PCDHGB3: variants seen among roughly 807,000 people sequenced by gnomAD.
PCDHGB3 encodes protocadherin gamma-B3.
In PCDHGB3, 40 loss-of-function variants were observed where a neutral mutation model predicts 59.2. That is an observed-to-expected ratio of 0.68 (90% CI 0.52 to 0.88). The LOEUF (loss-of-function observed/expected upper bound fraction) is 0.88. Among genes scored for constraint, PCDHGB3 ranks in the 40% least tolerant of loss-of-function variants. The pLI is 0.00. For synonymous variants in PCDHGB3, 581 were observed against 503.6 expected, an observed-to-expected ratio of 1.15 and a Z score of -2.06; for missense variants, 1,309 against 1,187.9, an observed-to-expected ratio of 1.10 and a Z score of -1.50.
chr5:141,410,174 G>A (rs1369332920), intron 1 of PCDHGB3: 4 of 1,613,588 alleles, frequency 2.5e-6, no homozygotes, highest in East Asian at 2.2e-5. Flanking sequence ...CTCTGCCACC[G>A]CCACGCTTCA....
intron 1 of PCDHGB3, chr5:141,382,716 C>G (rs11575956): frequency 0.036 from 17,699 of 487,890 alleles, 411 homozygotes; most frequent in Middle Eastern, 0.065. Flanking sequence ...CAGAAACCAC[C>G]GAGTTTTACA....
chr5:141,431,968 T>G lies in PCDHGB3; in HGVS notation c.2415+59159T>G, dbSNP rs571981127. 6.2e-7 allele frequency: 1 copy of G among 1,614,190 alleles called. No individual in the cohort carries two copies. Among genetic ancestry groups the G allele is most frequent in the Admixed American group, 1.7e-5 (1 of 60,024 alleles). On this transcript the variant is annotated intron_variant, in intron 1 of 3. Coordinates refer to ENST00000576222, the MANE Select transcript of PCDHGB3 (RefSeq NM_018924.5). The surrounding 1 kb of genome is among the most constrained non-coding windows in gnomAD (Gnocchi z 4.8). ...AAAAATCTTACGGAAATTACTATAGTTTAGTCACAGACATAGTCTTGGATA... is the reference window on the plus strand; with the variant it reads ...AAAAATCTTACGGAAATTACTATAGGTTAGTCACAGACATAGTCTTGGATA...
In PCDHGB3 at chr5:141,489,633, T is replaced by C. The variant is rs1298084961; in HGVS notation, c.2416-5174T>C. On this transcript the variant is annotated intron_variant, in intron 1 of 3. Coordinates refer to ENST00000576222, the MANE Select transcript of PCDHGB3 (RefSeq NM_018924.5). The surrounding 1 kb of genome is among the most constrained non-coding windows in gnomAD (Gnocchi z 4.5). ...TCCTGGATCTCAATGACAACTCTCC[T>C]AGCTTTGCCACCCCTGAGCGAGAGA... The C allele has an allele frequency of 6.2e-7, 1 of 1,614,160 alleles. No individual in the cohort carries two copies. Among genetic ancestry groups the C allele is most frequent in the South Asian group, 1.1e-5 (1 of 91,086 alleles).
chr5:141,490,042 G>C lies in PCDHGB3; in HGVS notation c.2416-4765G>C. 1 of 1,614,266 alleles carries C rather than the reference G, an allele frequency of 6.2e-7. No individual in the cohort carries two copies. Among genetic ancestry groups the C allele is most frequent in the Non-Finnish European group, 8.5e-7 (1 of 1,180,038 alleles). The stretch of plus-strand genomic sequence containing the variant: ...TCTGCTGCTCCGCCTCAATGCCACT[G>C]ATCCAGACGAGGGCACCAACGGCCA... On this transcript the variant is annotated intron_variant, in intron 1 of 3. Coordinates refer to ENST00000576222, the MANE Select transcript of PCDHGB3 (RefSeq NM_018924.5). This position sits in a 1 kb window ranked among gnomAD's most constrained non-coding sequence, Gnocchi z 5.4.
At chr5:141,503,384 C>G (rs898225633) in intron 2 of PCDHGB3, among the ~76,000 whole-genome samples, 1 of 151,906 alleles carries the variant, frequency 6.6e-6, no homozygotes, top group Non-Finnish European at 1.5e-5. Flanking sequence ...ATCATGAGGT[C>G]AGGAGTTCGA....
chr5:141,422,272 A>T, intron 1 of PCDHGB3: 13 of 1,561,362 alleles, frequency 8.3e-6, no homozygotes, highest in Non-Finnish European at 1.1e-5. Context: ...TCCAGAAATA[A>T]CTATCACCTC....
At chr5:141,427,499 T>C in intron 1 of PCDHGB3, 2 of 571,516 alleles carry the variant, frequency 3.5e-6, no homozygotes, top group Non-Finnish European at 3.3e-6. Flanking sequence ...TTGTAACAGA[T>C]GGGACCCTGG....
intron 1 of PCDHGB3, 82 bp from the exon 2 acceptor site, chr5:141,494,725 C>T: frequency 6.2e-7 from 1 of 1,610,026 alleles, no homozygotes; most frequent in Middle Eastern, 1.7e-4. Context: ...CCCTCCTTCT[C>T]TCCCGGCCCA....
intron 1 of PCDHGB3, among the ~76,000 whole-genome samples, chr5:141,471,768 T>A (rs1203999329): frequency 6.6e-6 from 1 of 152,174 alleles, no homozygotes; most frequent in Non-Finnish European, 1.5e-5. Context: ...GGTCAAAAGA[T>A]GAGTTTGACA....
chr5:141,413,212 G>C, intron 1 of PCDHGB3: 2 of 1,613,268 alleles, frequency 1.2e-6, no homozygotes, highest in Middle Eastern at 1.7e-4. Flanking sequence ...GGAATCAAAG[G>C]ATTGCAGCGG....
intron 1 of PCDHGB3, chr5:141,390,362 G>A: frequency 6.5e-7 from 1 of 1,533,010 alleles, no homozygotes. Flanking sequence ...ATATTTGCAG[G>A]AAAATATATA....
At chr5:141,419,623 G>A in intron 1 of PCDHGB3, 1 of 1,612,328 alleles carries the variant, frequency 6.2e-7, no homozygotes, top group East Asian at 2.2e-5. Context: ...GCTACCTGGT[G>A]ACCAAGGTGG....
At chr5:141,413,979 C>T in intron 1 of PCDHGB3, 1 of 1,613,394 alleles carries the variant, frequency 6.2e-7, no homozygotes, top group Non-Finnish European at 8.5e-7. Flanking sequence ...TGCTGACAGT[C>T]ACAGCCACCG....
In PCDHGB3 at chr5:141,372,216, A is replaced by G. The variant is rs1768504235; in HGVS notation, c.1822A>G (p.Ile608Val). 5.0e-6 allele frequency: 8 copies of G among 1,613,520 alleles called. No individual in the cohort carries two copies. The highest frequency in any genetic ancestry group is 5.1e-6 in the Non-Finnish European group (6 of 1,179,888). ...ATACAACGCCTGGCTGTCCTACCAC[A>G]TTGTGCAGGCCAGCGAGCCCGGGCT... ...SGYNAWLSYHIVQASEPGLFS... is the reference protein window; with the variant it reads ...SGYNAWLSYHVVQASEPGLFS... The change falls in exon 1 of 4, where the codon ATT becomes GTT. Residue 608 changes from isoleucine (I) to valine (V), a missense_variant. By Grantham distance (29) the Ile-to-Val change is conservative (BLOSUM62 3). Transcript: ENST00000576222.
chr5:141,506,740 T>C (rs1006665092), intron 3 of PCDHGB3, among the ~76,000 whole-genome samples: 2 of 152,104 alleles, frequency 1.3e-5, no homozygotes, highest in African/African-American at 2.4e-5. Context: ...ATAATGCCTA[T>C]TAATAAAGAC....
chr5:141,509,155 C>G (rs981661695), intron 3 of PCDHGB3, among the ~76,000 whole-genome samples: 3 of 152,202 alleles, frequency 2.0e-5, no homozygotes, highest in Non-Finnish European at 4.4e-5. Flanking sequence ...GCTCTCCCCT[C>G]CCGTGTGCCC....
chr5:141,393,792 C>T, intron 1 of PCDHGB3: 1 of 1,613,908 alleles, frequency 6.2e-7, no homozygotes, highest in Non-Finnish European at 8.5e-7. Context: ...TGTGGGGGCA[C>T]TTCTGGGGAG....
chr5:141,510,221 C>T lies in PCDHGB3; in HGVS notation c.2564-726C>T, dbSNP rs891359580. On this transcript the variant is annotated intron_variant, in intron 3 of 3. Transcript: ENST00000576222. The stretch of plus-strand genomic sequence containing the variant: ...CCAGGAGGCAGAGGTTGCAGTGAGC[C>T]GGGATCGCGCCACTGCACTCCAGGC... Among the ~76,000 whole-genome samples, 12 of 150,616 alleles carry T rather than the reference C, an allele frequency of 8.0e-5. No homozygotes were observed. In the East Asian group the frequency reaches 1.2e-3, roughly 15 times the overall value.
At chr5:141,383,319 A>G (rs778348189) in intron 1 of PCDHGB3, 1 of 1,614,020 alleles carries the variant, frequency 6.2e-7, no homozygotes, top group Non-Finnish European at 8.5e-7. Context: ...AAATAAATGT[A>G]AAAATAATGG....
Sources: gnomAD v4.1 joint callset for allele counts (sites outside exome capture counted in the v4.1 genomes callset) on GRCh38, gnomAD v4.1.1 for gene constraint, Gnocchi (gnomAD v3.1) non-coding constraint, MANE v1.5 for transcripts, NCBI Gene and HGNC (gene_info 2026-07-23, HGNC 2026-07-21) for gene names.